Variants in BAAT observed in about 807,000 individuals in gnomAD.
The protein encoded by BAAT is bile acid CoA: amino acid N-acyltransferase (glycine N-choloyltransferase).
A neutral mutation model predicts 18.9 loss-of-function variants in BAAT; 13 were observed. The observed-to-expected ratio is 0.69, with a 90% confidence interval of 0.45 to 1.10. The LOEUF (loss-of-function observed/expected upper bound fraction) is 1.10. Ranked by LOEUF, BAAT falls within the 50% of genes least tolerant of loss-of-function variation. The pLI is 0.00. For synonymous variants in BAAT, 170 were observed against 190.7 expected (o/e 0.89, Z 0.89); for missense variants, 489 against 504.0 (o/e 0.97, Z 0.28).
At position 101,365,758 on chromosome 9, in the gene BAAT, C is replaced by A. The variant is rs1339314384; in HGVS notation, c.669+2362G>T. Among the ~76,000 whole-genome samples, 4 of 151,976 alleles carry A rather than the reference C, an allele frequency of 2.6e-5. No homozygotes were observed. The East Asian group carries it at 7.7e-4, about 29-fold the overall frequency. ...CATGTTGGCCAGGCTGGTCTTGAAC[C>A]CCTGATCTCAGGTGATCTGCCCACC... On this transcript the variant is annotated intron_variant, in intron 3 of 3. Transcript: ENST00000259407.
chr9:101,373,518 T>C (rs1829992183), intron 1 of BAAT, among the ~76,000 whole-genome samples: 2 of 152,148 alleles, frequency 1.3e-5, no homozygotes, highest in South Asian at 4.1e-4. Flanking sequence ...CCAAGAAGCA[T>C]GAGAGACAAG....
At chr9:101,364,732 A>T (rs1436364935) in intron 3 of BAAT, among the ~76,000 whole-genome samples, 1 of 152,214 alleles carries the variant, frequency 6.6e-6, no homozygotes, top group Non-Finnish European at 1.5e-5. Flanking sequence ...GCTTTGAAAG[A>T]TATATTAAGC....
intron 3 of BAAT, among the ~76,000 whole-genome samples, chr9:101,365,254 G>A (rs1275193501): frequency 6.6e-6 from 1 of 151,908 alleles, no homozygotes; most frequent in African/African-American, 2.4e-5. Flanking sequence ...TATTTTAATT[G>A]ATCTCCTATA....
At chr9:101,377,630 C>G (rs1431629299) in intron 1 of BAAT, among the ~76,000 whole-genome samples, 2 of 152,166 alleles carry the variant, frequency 1.3e-5, no homozygotes, top group Admixed American at 6.5e-5. Flanking sequence ...CTATTTATGA[C>G]AAACCCATAG....
intron 1 of BAAT, among the ~76,000 whole-genome samples, chr9:101,380,945 T>C (rs923085034): frequency 6.6e-6 from 1 of 151,682 alleles, no homozygotes; most frequent in African/African-American, 2.4e-5. Context: ...TTAGTAGAGA[T>C]GGGGTTTCAG....
At chr9:101,382,749 T>G (rs1276514813) in intron 1 of BAAT, among the ~76,000 whole-genome samples, 2 of 152,160 alleles carry the variant, frequency 1.3e-5, no homozygotes, top group Non-Finnish European at 2.9e-5. Context: ...AACTCAGATA[T>G]TCACCACCCC....
chr9:101,383,732 A>G (rs1308808344), intron 1 of BAAT, among the ~76,000 whole-genome samples: 1 of 152,020 alleles, frequency 6.6e-6, no homozygotes, highest in Non-Finnish European at 1.5e-5. Flanking sequence ...TTGCCACTAC[A>G]TTTTACTCAC....
At chr9:101,380,413 TCTG>T (rs1830113599) in intron 1 of BAAT, among the ~76,000 whole-genome samples, 1 of 152,188 alleles carries the variant, frequency 6.6e-6, no homozygotes, top group Non-Finnish European at 1.5e-5. Flanking sequence ...AATGTTTCTC[TCTG>T]AGAAACTGTT....
chr9:101,374,733 A>G (rs1383022429), intron 1 of BAAT, among the ~76,000 whole-genome samples: 2 of 152,204 alleles, frequency 1.3e-5, no homozygotes, highest in Admixed American at 1.3e-4. Flanking sequence ...AAGAGGAACC[A>G]AAGAAGTCAA....
intron 3 of BAAT, among the ~76,000 whole-genome samples, chr9:101,366,806 C>T (rs995909076): frequency 6.6e-6 from 1 of 151,236 alleles, no homozygotes; most frequent in Non-Finnish European, 1.5e-5. Flanking sequence ...TTTGGTGATC[C>T]TTATATAAAA....
intron 1 of BAAT, among the ~76,000 whole-genome samples, chr9:101,379,900 T>C (rs564025297): frequency 2.0e-5 from 3 of 152,224 alleles, no homozygotes; most frequent in Admixed American, 6.5e-5. Flanking sequence ...TTTTACTTCA[T>C]CCAAGAAAAT....
At chr9:101,369,273 T>A (rs1829884400) in intron 2 of BAAT, among the ~76,000 whole-genome samples, 1 of 151,764 alleles carries the variant, frequency 6.6e-6, no homozygotes, top group African/African-American at 2.4e-5. Flanking sequence ...TTACTATAAT[T>A]AAGTACAATG....
chr9:101,372,941 A>C (rs1362580496), intron 1 of BAAT, among the ~76,000 whole-genome samples: 2 of 152,180 alleles, frequency 1.3e-5, no homozygotes, highest in Admixed American at 1.3e-4. Context: ...CTTTCCGTAG[A>C]GCTTCACCAT....
At chr9:101,376,139 T>C (rs1830041126) in intron 1 of BAAT, 1 of 163,392 alleles carries the variant, frequency 6.1e-6, no homozygotes, top group South Asian at 1.6e-4. Context: ...TTTTTTTCTG[T>C]TTAGCTGGTT....
intron 3 of BAAT, among the ~76,000 whole-genome samples, chr9:101,363,975 C>G (rs1367556229): frequency 6.6e-6 from 1 of 152,006 alleles, no homozygotes; most frequent in Admixed American, 6.6e-5. Flanking sequence ...TGCTATTGTA[C>G]CCCAGCCTGG....
chr9:101,380,601 C>T (rs1015014381), intron 1 of BAAT, among the ~76,000 whole-genome samples: 12 of 152,150 alleles, frequency 7.9e-5, no homozygotes, highest in African/African-American at 2.9e-4. Context: ...TATATCCTAG[C>T]ACTGGAAATC....
intron 1 of BAAT, among the ~76,000 whole-genome samples, chr9:101,381,387 G>A (rs1030924585): frequency 6.6e-6 from 1 of 151,960 alleles, no homozygotes; most frequent in African/African-American, 2.4e-5. Context: ...AGCTGGGTGT[G>A]GTGGGGCAAA....
intron 1 of BAAT, among the ~76,000 whole-genome samples, chr9:101,373,237 C>G (rs1186570184): frequency 6.6e-6 from 1 of 151,998 alleles, no homozygotes; most frequent in Non-Finnish European, 1.5e-5. Flanking sequence ...TGCATACTTA[C>G]AAAAATGCTT....
intron 1 of BAAT, among the ~76,000 whole-genome samples, chr9:101,383,171 T>C (rs948022911): frequency 1.3e-5 from 2 of 152,192 alleles, no homozygotes; most frequent in Non-Finnish European, 2.9e-5. Context: ...TTTTAACAAA[T>C]GACTTCTGAT....
Sources: allele counts gnomAD v4.1 joint callset (sites outside exome capture counted in the v4.1 genomes callset), GRCh38; gene constraint gnomAD v4.1.1; transcripts MANE v1.5; gene names NCBI Gene and HGNC (gene_info 2026-07-23, HGNC 2026-07-21).